Variants in PI16 observed in about 807,000 individuals in gnomAD.
PI16 encodes peptidase inhibitor 16.
A neutral mutation model predicts 38.0 loss-of-function variants in PI16; 35 were observed. The ratio of observed to expected loss-of-function variants is 0.92; its 90% CI spans 0.70 to 1.22. The LOEUF is 1.22. Among genes scored for constraint, PI16 ranks in the 50% most tolerant of loss-of-function variants. The pLI, the probability that PI16 is intolerant of heterozygous loss-of-function variation, is 0.00. For missense variants in PI16, 572 were observed against 593.8 expected, an observed-to-expected ratio of 0.96 and a Z score of 0.38; for synonymous variants, 275 against 252.9, an observed-to-expected ratio of 1.09 and a Z score of -0.83.
upstream of PI16, among the ~76,000 whole-genome samples, chr6:36,954,219 A>G (rs996899811): frequency 6.6e-6 from 1 of 152,226 alleles, no homozygotes; most frequent in African/African-American, 2.4e-5. Flanking sequence ...AGGTACTATT[A>G]TTGTCACTGA....
At chr6:36,957,411 C>T (rs1171305061) in intron 1 of PI16, among the ~76,000 whole-genome samples, 1 of 152,176 alleles carries the variant, frequency 6.6e-6, no homozygotes, top group African/African-American at 2.4e-5. Context: ...CTAGATGGCC[C>T]TCTTTGGTGC....
upstream of PI16, among the ~76,000 whole-genome samples, chr6:36,954,004 T>C (rs1014215188): frequency 3.3e-5 from 5 of 152,222 alleles, no homozygotes; most frequent in African/African-American, 1.2e-4. Context: ...GCCTTATTCC[T>C]GAATACAGCT....
upstream of PI16, among the ~76,000 whole-genome samples, chr6:36,951,833 G>T (rs150373978): frequency 4.0e-4 from 61 of 152,124 alleles, 1 homozygote; most frequent in African/African-American, 1.4e-3. Context: ...CCGGGAGGCG[G>T]AGGTTGCAGT....
In PI16 at chr6:36,954,766, C is replaced by T. The variant is rs202171420; in HGVS notation, c.6C>T (p.His2=). 36 of 1,611,792 alleles carry T rather than the reference C, an allele frequency of 2.2e-5. No individual in the cohort carries two copies. The Admixed American group carries it at 2.5e-4, about 11-fold the overall frequency. Residue 2 remains histidine, a synonymous_variant, in exon 1 of 7, where the codon CAC becomes CAT. Transcript: ENST00000373674. The stretch of plus-strand genomic sequence containing the variant: ...AGGAGAGACGGCTGGCCACCATGCA[C>T]GGCTCCTGCAGTTTCCTGATGCTTC... M[H]GSCSFLMLLL... is the part of the protein sequence containing the mutation.
At chr6:36,953,985 T>C (rs142633036), upstream of PI16, among the ~76,000 whole-genome samples, 40 of 152,312 alleles carry the variant, frequency 2.6e-4, no homozygotes, top group African/African-American at 4.1e-4. Flanking sequence ...AATTTTGCCA[T>C]AGTGAAAGGC....
At chr6:36,955,424 C>A (rs1763177647) in intron 1 of PI16, among the ~76,000 whole-genome samples, 1 of 152,076 alleles carries the variant, frequency 6.6e-6, no homozygotes, top group South Asian at 2.1e-4. Flanking sequence ...GAGGCAGGTG[C>A]TAAGGAGGTG....
At position 36,959,097 on chromosome 6, in the gene PI16, A is replaced by G. The variant is rs368693680; in HGVS notation, c.172-48A>G. The stretch of plus-strand genomic sequence containing the variant: ...CTCCTCGACCTTTTGCTTGGTCCCC[A>G]CAGCATCTGTGGGCATCCTCACCTC... On this transcript the variant is annotated intron_variant, in intron 1 of 6. Coordinates refer to ENST00000373674, the MANE Select transcript of PI16 (RefSeq NM_153370.3). 2.0e-6 allele frequency: 3 copies of G among 1,528,456 alleles called. No individual in the cohort carries two copies. The African/African-American group carries it at 4.1e-5, about 21-fold the overall frequency. 94.7% of individuals were successfully genotyped at this position (1,528,456 alleles called of 1,614,324 possible).
At position 36,961,762 on chromosome 6, in the gene PI16, CA is replaced by C. The variant is rs1763371722; in HGVS notation, c.504-122del. 1.4e-5 allele frequency: 14 copies of C among 975,090 alleles called. No individual in the cohort carries two copies. The Middle Eastern group carries it at 7.0e-4, about 49-fold the overall frequency. 60.4% of individuals were successfully genotyped at this position (975,090 alleles called of 1,614,324 possible). ...CCAGGAGGAGCCCAAGTTCGCCCAG[CA>C]AGTCAGTGGCTGGCAGTCAGGAGAC... On this transcript the variant is annotated intron_variant, in intron 3 of 6. Coordinates refer to ENST00000373674, the MANE Select transcript of PI16 (RefSeq NM_153370.3).
At chr6:36,949,186 T>C (rs1763063011) in intron 1 of PI16, among the ~76,000 whole-genome samples, 1 of 151,594 alleles carries the variant, frequency 6.6e-6, no homozygotes, top group South Asian at 2.1e-4. Context: ...TGGAATGCAG[T>C]GGCGTGATCT....
intron 1 of PI16, among the ~76,000 whole-genome samples, chr6:36,948,980 A>G (rs1763059093): frequency 6.6e-6 from 1 of 151,626 alleles, no homozygotes; most frequent in African/African-American, 2.4e-5. Context: ...TTTTTAGTAG[A>G]GACAGGGTTT....
chr6:36,958,031 C>T (rs1763250595), intron 1 of PI16, among the ~76,000 whole-genome samples: 1 of 152,224 alleles, frequency 6.6e-6, no homozygotes, highest in African/African-American at 2.4e-5. Context: ...AGATACTCAC[C>T]CAAGGTCACA....
At position 36,962,915 on chromosome 6, in the gene PI16, G is replaced by C. The variant is rs745763405; in HGVS notation, c.593-20G>C. On this transcript the variant is annotated intron_variant, in intron 4 of 6. Coordinates refer to ENST00000373674, the MANE Select transcript of PI16 (RefSeq NM_153370.3). The surrounding 1 kb of genome is among the most constrained non-coding windows in gnomAD (Gnocchi z 4.1). The stretch of plus-strand genomic sequence containing the variant: ...GGTCCTGCTTGCAGCACTCATGCCC[G>C]TTCTCGTCTGTCTTATCAGAACCCA... 1 of 1,588,590 alleles carries C rather than the reference G, an allele frequency of 6.3e-7. No homozygotes were observed. Among genetic ancestry groups the C allele is most frequent in the African/African-American group, 1.3e-5 (1 of 74,142 alleles).
intron 1 of PI16, among the ~76,000 whole-genome samples, chr6:36,949,253 C>A (rs1239428233): frequency 6.6e-6 from 1 of 152,164 alleles, no homozygotes; most frequent in Non-Finnish European, 1.5e-5. Context: ...TGCCAAGTAA[C>A]TGGGCCTACA....
chr6:36,949,348 C>T (rs538490280), intron 1 of PI16, among the ~76,000 whole-genome samples: 5 of 151,950 alleles, frequency 3.3e-5, no homozygotes, highest in Admixed American at 2.6e-4. Context: ...TTTCCAATTC[C>T]TGACCTCAGG....
intron 3 of PI16, 40 bp from the exon 4 acceptor site, chr6:36,961,846 G>T (rs1236738059): frequency 6.5e-7 from 1 of 1,534,596 alleles, no homozygotes; most frequent in African/African-American, 1.4e-5. Flanking sequence ...GTTGGGAGGG[G>T]TCGACCCCCT....
intron 1 of PI16, among the ~76,000 whole-genome samples, chr6:36,949,609 C>G (rs779668216): frequency 9.9e-5 from 15 of 152,174 alleles, no homozygotes; most frequent in African/African-American, 3.6e-4. Flanking sequence ...TCTCAAATAG[C>G]GTCCCTTTCT....
intron 1 of PI16, among the ~76,000 whole-genome samples, chr6:36,955,354 C>T (rs1763174744): frequency 6.6e-6 from 1 of 152,126 alleles, no homozygotes; most frequent in African/African-American, 2.4e-5. Flanking sequence ...TTTCACATGC[C>T]TGCCAAGGAG....
In PI16 at chr6:36,959,219, C is replaced by A. The variant is rs559087141; in HGVS notation, c.246C>A (p.Arg82=). The change falls in exon 2 of 7, where the codon CGC becomes CGA. Residue 82 remains arginine, a synonymous_variant. Transcript: ENST00000373674. ...RQCVWGHNKE[R]GRRGENLFAI... ...GCGTGTGGGGCCACAACAAGGAGCG[C>A]GGGCGCCGCGGCGAGAATCTGTTCG... is the stretch of plus-strand genomic sequence containing the variant. The A allele has an allele frequency of 6.2e-7, 1 of 1,610,198 alleles. No individual in the cohort carries two copies. The highest frequency in any genetic ancestry group is 1.1e-5 in the South Asian group (1 of 90,310).
chr6:36,954,727 C>A (rs780601185), upstream of PI16: 46 of 1,592,620 alleles, frequency 2.9e-5, no homozygotes, highest in Non-Finnish European at 3.9e-5. Context: ...GCTGCCAGAC[C>A]CCTGGACGGG....
Sources: allele counts gnomAD v4.1 joint callset (sites outside exome capture counted in the v4.1 genomes callset), GRCh38; gene constraint gnomAD v4.1.1; non-coding constraint Gnocchi (gnomAD v3.1); transcripts MANE v1.5; gene names NCBI Gene and HGNC (gene_info 2026-07-23, HGNC 2026-07-21).